The following CAPN9 variants were observed in gnomAD, a reference collection of about 807,000 sequenced individuals.
The protein encoded by CAPN9 is calpain 9, also known as calpain-9.
CAPN9 carries 81 observed loss-of-function variants against 92.8 expected under a neutral mutation model. The ratio of observed to expected loss-of-function variants is 0.87; its 90% CI spans 0.73 to 1.05. CAPN9 has a LOEUF of 1.05. Among genes scored for constraint, CAPN9 ranks in the 50% least tolerant of loss-of-function variants. The probability of loss-of-function intolerance (pLI) is 0.00; values close to 1 mark genes in which losing one functional copy is unlikely to be tolerated. For missense variants in CAPN9, 848 were observed against 866.2 expected, an observed-to-expected ratio of 0.98 and a Z score of 0.26; for synonymous variants, 304 against 328.0, an observed-to-expected ratio of 0.93 and a Z score of 0.79.
At chr1:230,777,499 T>G (rs1467479215) in intron 8 of CAPN9, among the ~76,000 whole-genome samples, 1 of 152,022 alleles carries the variant, frequency 6.6e-6, no homozygotes, top group Non-Finnish European at 1.5e-5. Flanking sequence ...TCCCCCCTTC[T>G]TCTGAATCAT....
intron 4 of CAPN9, among the ~76,000 whole-genome samples, chr1:230,765,876 A>G (rs992757983): frequency 2.6e-5 from 4 of 152,256 alleles, no homozygotes; most frequent in Admixed American, 6.5e-5. Context: ...GCCTTCACAT[A>G]ATGATTCCTT....
At chr1:230,790,913 T>C (rs747152300) in intron 14 of CAPN9, among the ~76,000 whole-genome samples, 10 of 152,302 alleles carry the variant, frequency 6.6e-5, no homozygotes, top group Admixed American at 3.3e-4. Context: ...ATCACACCGT[T>C]GCACTCCAGG....
intron 1 of CAPN9, among the ~76,000 whole-genome samples, chr1:230,747,991 C>T (rs1292693596): frequency 6.6e-6 from 1 of 152,166 alleles, no homozygotes; most frequent in Admixed American, 6.5e-5. Context: ...CAGAGTGGGT[C>T]TTGTCAGCAG....
intron 18 of CAPN9, among the ~76,000 whole-genome samples, chr1:230,796,827 T>A (rs1668390610): frequency 6.6e-6 from 1 of 151,878 alleles, no homozygotes; most frequent in Non-Finnish European, 1.5e-5. Context: ...GGGGTGGGAG[T>A]GCCTCAGCTT....
rs138660410 is a variant in CAPN9 at position 230,762,067 on chromosome 1, G to A, written c.403-586G>A. 4.0e-3 allele frequency among the ~76,000 whole-genome samples: 606 copies of A among 152,226 alleles called. 8 individuals carry two copies. Among genetic ancestry groups the A allele is most frequent in the African/African-American group, 0.012 (519 of 41,554 alleles). On this transcript the variant is annotated intron_variant, in intron 3 of 19. Coordinates refer to ENST00000271971, the MANE Select transcript of CAPN9 (RefSeq NM_006615.3). Reference sequence around the variant, plus strand: ...TATGCACATGTATACACATGTGTGCGCACATGCATTCACACACACCCACAC... The same window carrying A: ...TATGCACATGTATACACATGTGTGCACACATGCATTCACACACACCCACAC...
intron 1 of CAPN9, among the ~76,000 whole-genome samples, chr1:230,752,964 G>A (rs1664942034): frequency 6.6e-6 from 1 of 152,184 alleles, no homozygotes; most frequent in African/African-American, 2.4e-5. Flanking sequence ...GAGGCCCACT[G>A]ACATGGTCCT....
chr1:230,774,665 C>A, intron 8 of CAPN9, 34 bp downstream of exon 8: 2 of 1,462,716 alleles, frequency 1.4e-6, no homozygotes, highest in African/African-American at 1.4e-5. Flanking sequence ...ACTGCAGATA[C>A]GAGCAAGTCC....
At chr1:230,768,555 T>TG (rs1666161051) in intron 5 of CAPN9, among the ~76,000 whole-genome samples, 1 of 151,922 alleles carries the variant, frequency 6.6e-6, no homozygotes. Flanking sequence ...TTTTTTTTTT[T>TG]TCATTTCATG....
At chr1:230,776,937 T>C (rs1666833776) in intron 8 of CAPN9, 1 of 152,114 alleles carries the variant, frequency 6.6e-6, no homozygotes. Context: ...ACCATGAGGG[T>C]TTAGGTTCCC....
intron 4 of CAPN9, among the ~76,000 whole-genome samples, chr1:230,767,138 TAG>T: frequency 6.6e-6 from 1 of 152,174 alleles, no homozygotes; most frequent in East Asian, 1.9e-4. Context: ...CATGGGAGGT[TAG>T]AGAGTGAGAC....
chr1:230,799,401 A>G (rs967644179), intron 19 of CAPN9, among the ~76,000 whole-genome samples: 5 of 152,184 alleles, frequency 3.3e-5, no homozygotes, highest in Non-Finnish European at 5.9e-5. Context: ...TTTGGCAATT[A>G]TGTTGACTCA....
chr1:230,759,687 G>A, intron 3 of CAPN9, 57 bp downstream of exon 3: 2 of 1,128,720 alleles, frequency 1.8e-6, no homozygotes, highest in Non-Finnish European at 2.6e-6. Context: ...CATGAGGGCA[G>A]GTGCATTTCC....
intron 16 of CAPN9, 50 bp downstream of exon 16, chr1:230,792,544 G>A (rs1668069696): frequency 7.1e-7 from 1 of 1,401,044 alleles, no homozygotes. Flanking sequence ...AGTGAACCTA[G>A]AGCAGAGGGG....
intron 12 of CAPN9, among the ~76,000 whole-genome samples, chr1:230,786,434 G>A (rs1421328730): frequency 6.6e-6 from 1 of 152,158 alleles, no homozygotes; most frequent in Non-Finnish European, 1.5e-5. Context: ...AAATGAGAAG[G>A]ATTACATAAT....
intron 18 of CAPN9, chr1:230,795,589 T>C (rs540600141): frequency 3.1e-4 from 93 of 298,452 alleles, no homozygotes; most frequent in African/African-American, 1.9e-3. Flanking sequence ...AATCCCATCA[T>C]AGCATATAGA....
chr1:230,789,217 T>A (rs1295393736), intron 13 of CAPN9, among the ~76,000 whole-genome samples: 1 of 151,482 alleles, frequency 6.6e-6, no homozygotes, highest in Non-Finnish European at 1.5e-5. Flanking sequence ...CAAACACACA[T>A]GTGCATAAAG....
chr1:230,775,169 G>A (rs1247014289), intron 8 of CAPN9, among the ~76,000 whole-genome samples: 1 of 152,140 alleles, frequency 6.6e-6, no homozygotes, highest in African/African-American at 2.4e-5. Context: ...TTGTTGAAGA[G>A]TCTTCAGGGG....
Position 230,772,103 on chromosome 1 carries a change from A to G in CAPN9, c.875+4A>G, listed in dbSNP as rs1185224944. ...GGAACGGGTCGTGGAGCGACAGGTC[A>G]GTCACCCTATCCTGCCTCTCTGGCT... On this transcript the variant is annotated splice_donor_region_variant and intron_variant, in intron 7 of 19. Coordinates refer to ENST00000271971, the MANE Select transcript of CAPN9 (RefSeq NM_006615.3). 1 of 1,613,752 alleles carries G rather than the reference A, an allele frequency of 6.2e-7. No homozygotes were observed. Among genetic ancestry groups the G allele is most frequent in the Non-Finnish European group, 8.5e-7 (1 of 1,179,630 alleles).
intron 15 of CAPN9, 123 bp from the exon 16 acceptor site, chr1:230,792,303 C>T (rs1303503666): frequency 2.6e-6 from 2 of 764,002 alleles, no homozygotes; most frequent in Non-Finnish European, 4.6e-6. Context: ...TTCCCCAGGG[C>T]CCCAAACCTG....
Sources: gnomAD v4.1 joint callset for allele counts (sites outside exome capture counted in the v4.1 genomes callset) on GRCh38, gnomAD v4.1.1 for gene constraint, MANE v1.5 for transcripts, NCBI Gene and HGNC (gene_info 2026-07-23, HGNC 2026-07-21) for gene names.